MAP3K5: variants seen among roughly 807,000 people sequenced by gnomAD.
MAP3K5 encodes the protein ASK-1.
A neutral mutation model predicts 158.7 loss-of-function variants in MAP3K5; 56 were observed. The observed-to-expected ratio is 0.35, with a 90% CI of 0.28 to 0.44. MAP3K5 has a LOEUF of 0.44. MAP3K5 is among the 20% of genes least tolerant of loss of function. The probability of loss-of-function intolerance (pLI) is 1.00; values close to 1 mark genes in which losing one functional copy is unlikely to be tolerated. For missense variants in MAP3K5, 1,294 were observed against 1,674.8 expected (o/e 0.77, Z 3.97); for synonymous variants, 579 against 601.7 (o/e 0.96, Z 0.55).
At chr6:136,596,548 C>T (rs189834704) in intron 21 of MAP3K5, among the ~76,000 whole-genome samples, 55 of 152,118 alleles carry the variant, frequency 3.6e-4, no homozygotes, top group African/African-American at 1.0e-3. Context: ...AGGGGAAGGA[C>T]GGGTTTAGGA....
Position 136,637,380 on chromosome 6 carries a change from G to A in MAP3K5, c.1961C>T (p.Thr654Ile), listed in dbSNP as rs745890001. ...CTCTGTGCTTCTCCCCTTCTCTTCG[G>A]TAATGGTGTTCACCATCTCAAAAAA... The part of the protein sequence containing the change: ...KKFFEMVNTI[T>I]EEKGRSTEEG... Residue 654 changes from threonine to isoleucine, a missense_variant, in exon 14 of 30, where the codon ACC (threonine) becomes ATC (isoleucine). This residue lies in a region of MAP3K5 where 690 missense variants were observed against 870.5 expected (regional missense o/e 0.79). Coordinates refer to ENST00000359015, the MANE Select transcript of MAP3K5 (RefSeq NM_005923.4). The A allele has an allele frequency of 2.5e-6, 4 of 1,610,236 alleles. No homozygotes were observed. The highest frequency in any genetic ancestry group is 1.7e-5 in the Admixed American group (1 of 60,002).
At chr6:136,695,076 G>A (rs1056347107) in intron 6 of MAP3K5, among the ~76,000 whole-genome samples, 1 of 152,014 alleles carries the variant, frequency 6.6e-6, no homozygotes, top group Non-Finnish European at 1.5e-5. Context: ...GCTGCTAATG[G>A]GTACAGGGTT....
intron 20 of MAP3K5, 125 bp downstream of exon 20, chr6:136,601,677 C>T: frequency 2.4e-6 from 2 of 823,148 alleles, no homozygotes; most frequent in South Asian, 3.7e-5. Context: ...GAACACTGTG[C>T]TAATATTTAT....
At position 136,562,573 on chromosome 6, in the gene MAP3K5, T is replaced by C; in HGVS notation, c.3804A>G (p.Ala1268=). ...ELVRKEKELQ[A]LLHRAIEEKD... ...TTTCTTCAATAGCTCGATGAAGGAGTGCTTGTAATTCTTTCTCTTTCCGAA... is the reference window on the plus strand; with the variant it reads ...TTTCTTCAATAGCTCGATGAAGGAGCGCTTGTAATTCTTTCTCTTTCCGAA... Residue 1268 remains alanine, a synonymous_variant, in exon 27 of 30, where the codon GCA becomes GCG. Coordinates refer to ENST00000359015, the MANE Select transcript of MAP3K5 (RefSeq NM_005923.4). 1 of 1,604,822 alleles carries C rather than the reference T, an allele frequency of 6.2e-7. No individual in the cohort carries two copies. The highest frequency in any genetic ancestry group is 8.5e-7 in the Non-Finnish European group (1 of 1,175,752).
intron 1 of MAP3K5, among the ~76,000 whole-genome samples, chr6:136,767,806 T>A (rs1470209120): frequency 1.3e-5 from 2 of 152,146 alleles, no homozygotes; most frequent in Non-Finnish European, 2.9e-5. Flanking sequence ...GCAAAAGTAA[T>A]CAAGACTATG....
intron 1 of MAP3K5, among the ~76,000 whole-genome samples, chr6:136,790,587 T>C (rs1486249873): frequency 6.6e-6 from 1 of 152,242 alleles, no homozygotes; most frequent in Non-Finnish European, 1.5e-5. Context: ...GTTCTCAAAA[T>C]ATTCAGCTTT....
intron 3 of MAP3K5, among the ~76,000 whole-genome samples, chr6:136,704,217 T>C (rs1007131721): frequency 6.6e-6 from 1 of 152,196 alleles, no homozygotes; most frequent in Non-Finnish European, 1.5e-5. Context: ...TATCAGTGTA[T>C]ATGTAATTAT....
At chr6:136,603,999 C>T (rs1431739774) in intron 19 of MAP3K5, among the ~76,000 whole-genome samples, 3 of 152,184 alleles carry the variant, frequency 2.0e-5, no homozygotes, top group Non-Finnish European at 4.4e-5. Context: ...ACATGGTCTG[C>T]AGCAGGGAGA....
intron 4 of MAP3K5, 103 bp from the exon 5 acceptor site, chr6:136,697,490 T>A: frequency 1.1e-6 from 1 of 944,256 alleles, no homozygotes; most frequent in Non-Finnish European, 1.6e-6. Flanking sequence ...GCATTAGCTA[T>A]AAAGCATTTG....
At chr6:136,676,039 G>A (rs1417036033) in intron 7 of MAP3K5, among the ~76,000 whole-genome samples, 6 of 152,090 alleles carry the variant, frequency 3.9e-5, no homozygotes, top group Non-Finnish European at 7.4e-5. Flanking sequence ...ATGTAAGCAT[G>A]ACACAAGGAA....
intron 1 of MAP3K5, among the ~76,000 whole-genome samples, chr6:136,757,586 ATTTTTTTT>A (rs897486770): frequency 7.8e-6 from 1 of 127,812 alleles, no homozygotes; most frequent in African/African-American, 3.1e-5. Flanking sequence ...TTTATTTTTT[ATTTTTTTT>A]TTTTTTTTTT....
intron 21 of MAP3K5, 118 bp downstream of exon 21, chr6:136,600,904 C>A: frequency 9.8e-7 from 1 of 1,021,710 alleles, no homozygotes; most frequent in Non-Finnish European, 1.5e-6. Context: ...AGTACCGCAC[C>A]CTCCTTTCCC....
chr6:136,586,983 G>A (rs1775168177), intron 23 of MAP3K5, among the ~76,000 whole-genome samples: 1 of 152,128 alleles, frequency 6.6e-6, no homozygotes, highest in Non-Finnish European at 1.5e-5. Context: ...GTGGGACCTT[G>A]TGATTATGTG....
chr6:136,620,903 C>T (rs1169960909), intron 15 of MAP3K5, among the ~76,000 whole-genome samples: 1 of 152,136 alleles, frequency 6.6e-6, no homozygotes, highest in Non-Finnish European at 1.5e-5. Flanking sequence ...AACAGATAAT[C>T]CTATCACCAG....
At chr6:136,743,584 G>A (rs535351776) in intron 1 of MAP3K5, among the ~76,000 whole-genome samples, 1 of 152,294 alleles carries the variant, frequency 6.6e-6, no homozygotes, top group South Asian at 2.1e-4. Flanking sequence ...ATTGATAATG[G>A]GAATGCAAAA....
At chr6:136,707,568 G>GA (rs1440907528) in intron 2 of MAP3K5, among the ~76,000 whole-genome samples, 4 of 151,750 alleles carry the variant, frequency 2.6e-5, no homozygotes, top group Non-Finnish European at 5.9e-5. Flanking sequence ...GGGGGGGGGG[G>GA]GAACCCCTTG....
At position 136,633,425 on chromosome 6, in the gene MAP3K5, G is replaced by GTATATATATATA. The variant is rs139665870; in HGVS notation, c.2016+3888_2016+3899dup. ...AAAAAATAAAATAAAATAAATATAT[G>GTATATATATATA]TATATATATATATATATTCTTTTCA... On this transcript the variant is annotated intron_variant, in intron 14 of 29. Transcript: ENST00000359015. 2.0e-3 allele frequency among the ~76,000 whole-genome samples: 289 copies of GTATATATATATA among 147,364 alleles called. 2 individuals are homozygous for GTATATATATATA. The East Asian group carries it at 0.02, about 10-fold the overall frequency.
chr6:136,713,966 C>T (rs1227294456), intron 2 of MAP3K5, among the ~76,000 whole-genome samples: 1 of 152,064 alleles, frequency 6.6e-6, no homozygotes, highest in Non-Finnish European at 1.5e-5. Context: ...TACTTTGTAC[C>T]ACTAACAAGT....
At chr6:136,619,021 G>A (rs1005470423) in intron 15 of MAP3K5, among the ~76,000 whole-genome samples, 1 of 152,234 alleles carries the variant, frequency 6.6e-6, no homozygotes, top group East Asian at 1.9e-4. Context: ...ATACTGGGCA[G>A]TTCTGGGAAG....
Sources: allele counts gnomAD v4.1 joint callset (sites outside exome capture counted in the v4.1 genomes callset), GRCh38; gene constraint gnomAD v4.1.1; regional missense constraint gnomAD v4.1.1; transcripts MANE v1.5; gene names NCBI Gene and HGNC (gene_info 2026-07-23, HGNC 2026-07-21).